Variants in FOXRED2 observed in about 807,000 individuals in gnomAD.
FOXRED2 encodes FAD dependent oxidoreductase domain containing 2.
Under a neutral mutation model 52.5 loss-of-function variants are expected in FOXRED2, and 32 were observed. The ratio of observed to expected loss-of-function variants is 0.61; its 90% confidence interval spans 0.46 to 0.82. The LOEUF (loss-of-function observed/expected upper bound fraction) is 0.82. Ranked by LOEUF, FOXRED2 falls within the 40% of genes least tolerant of loss-of-function variation. The pLI is 0.00. For missense variants in FOXRED2, 848 were observed against 937.5 expected (o/e 0.90, Z 1.25); for synonymous variants, 405 against 398.1 (o/e 1.02, Z -0.21).
intron 5 of FOXRED2, among the ~76,000 whole-genome samples, chr22:36,499,903 G>A (rs556384292): frequency 1.4e-3 from 219 of 152,288 alleles, no homozygotes; most frequent in Admixed American, 3.9e-3. Context: ...CAAGGTTCAA[G>A]TGATTCTCTT....
In FOXRED2 at chr22:36,489,883, C is replaced by A; in HGVS notation, c.*125G>T. ...CTGGTGGCTTTGCTGCAGACACTGCCATGATCTGAGTGGTCTTTGGCAATC... is the reference window on the plus strand; with the variant it reads ...CTGGTGGCTTTGCTGCAGACACTGCAATGATCTGAGTGGTCTTTGGCAATC... On this transcript the variant is annotated 3_prime_UTR_variant, in exon 9 of 9. Transcript: ENST00000397224. 9.6e-7 allele frequency: 1 copy of A among 1,041,174 alleles called. No individual in the cohort carries two copies. The highest frequency in any genetic ancestry group is 2.8e-5 in the East Asian group (1 of 36,048). 64.5% of individuals were successfully genotyped at this position (1,041,174 alleles called of 1,614,324 possible).
chr22:36,505,011 G>GCTCACA (rs1934156440), intron 2 of FOXRED2, among the ~76,000 whole-genome samples: 1 of 152,156 alleles, frequency 6.6e-6, no homozygotes, highest in Non-Finnish European at 1.5e-5. Context: ...ACTGTACTGG[G>GCTCACA]GGTTAAATTT....
At chr22:36,499,618 G>T (rs55939249) in intron 5 of FOXRED2, among the ~76,000 whole-genome samples, 1 of 152,034 alleles carries the variant, frequency 6.6e-6, no homozygotes, top group Non-Finnish European at 1.5e-5. Flanking sequence ...AGGAAGAGAC[G>T]CTGTCTCAAA....
In FOXRED2 at chr22:36,488,214, T is replaced by G. The variant is rs1933655324; in HGVS notation, c.*1794A>C. ...TTGGAATTCTTTTTCTCTTTTCACT[T>G]TTGTTGTAGCATACTTTGTTCTTTT... On this transcript the variant is annotated 3_prime_UTR_variant, in exon 9 of 9. Transcript: ENST00000397224. 1 of 152,122 alleles carries G rather than the reference T, an allele frequency of 6.6e-6. No homozygotes were observed. Among genetic ancestry groups the G allele is most frequent in the Non-Finnish European group, 1.5e-5 (1 of 68,034 alleles). 9.4% of individuals were successfully genotyped at this position (152,122 alleles called of 1,614,324 possible).
At chr22:36,506,634 C>T (rs13054290) in intron 1 of FOXRED2, 3 of 480,170 alleles carry the variant, frequency 6.2e-6, no homozygotes, top group African/African-American at 4.1e-5. Flanking sequence ...CATCTTATCT[C>T]CCTCAGGGTC....
Position 36,490,062 on chromosome 22 carries a change from G to A in FOXRED2, c.2001C>T (p.Pro667=). Residue 667 remains proline, a synonymous_variant, in exon 9 of 9, where the codon CCC becomes CCT. Transcript: ENST00000397224. ...ACTGAGCCAGAGGCCCTGGAGCCAG[G>A]GGGGAACCTAGTGGCTCTTGGTCGC... ...QLGDQEPLGS[P]LAPGPLAQSV... is the part of the protein sequence containing the mutation. 1 of 1,612,632 alleles carries A rather than the reference G, an allele frequency of 6.2e-7. No homozygotes were observed. Among genetic ancestry groups the A allele is most frequent in the Non-Finnish European group, 8.5e-7 (1 of 1,178,932 alleles).
chr22:36,497,607 C>A (rs192342439), intron 6 of FOXRED2, among the ~76,000 whole-genome samples: 1 of 152,182 alleles, frequency 6.6e-6, no homozygotes, highest in East Asian at 1.9e-4. Context: ...TTGACTCTGA[C>A]GATGGTGGCC....
chr22:36,491,688 A>G (rs904065949), intron 8 of FOXRED2, among the ~76,000 whole-genome samples: 1 of 152,150 alleles, frequency 6.6e-6, no homozygotes, highest in Admixed American at 6.6e-5. Flanking sequence ...TACAGGCGTG[A>G]TCCAGCATCC....
At chr22:36,504,426 G>C (rs1444866174) in intron 3 of FOXRED2, 59 bp from the exon 4 acceptor site, 1 of 1,608,738 alleles carries the variant, frequency 6.2e-7, no homozygotes, top group Non-Finnish European at 8.5e-7. Context: ...CAGTGCAGCT[G>C]GGGTCAGGAA....
rs1325780692 is a variant in FOXRED2, at chr22:36,504,343, A to G, written c.804T>C (p.Asp268=). 3.1e-6 allele frequency: 5 copies of G among 1,613,940 alleles called. No homozygotes were observed. The highest frequency in any genetic ancestry group is 4.2e-6 in the Non-Finnish European group (5 of 1,180,030). Residue 268 remains aspartate, a synonymous_variant, in exon 4 of 9, where the codon GAT becomes GAC. Transcript: ENST00000397224. ...CGTCCAGGGACTTGAGCTGGTAGGT[A>G]TCCAGCAGGCCATTGTTGATGGCTC... ...DLRAINNGLL[D]TYQLKSLDGL... is the part of the protein sequence containing the mutation.
At position 36,504,203 on chromosome 22, in the gene FOXRED2, G is replaced by A; in HGVS notation, c.944C>T (p.Ser315Phe). 1 of 1,614,244 alleles carries A rather than the reference G, an allele frequency of 6.2e-7. No individual in the cohort carries two copies. Among genetic ancestry groups the A allele is most frequent in the Non-Finnish European group, 8.5e-7 (1 of 1,180,046 alleles). Reference sequence around the variant, plus strand: ...ATTGTCGTCCTGGGGGAGGGTGATGGAGTCGGCACTCTGGTTGGTGTTGGC... The same window carrying A: ...ATTGTCGTCCTGGGGGAGGGTGATGAAGTCGGCACTCTGGTTGGTGTTGGC... ...EEANTNQSAD[S>F]ITLPQDDNDN... The change falls in exon 4 of 9, where the codon TCC (serine) becomes TTC (phenylalanine). Residue 315 changes from serine to phenylalanine, a missense_variant. Coordinates refer to ENST00000397224, the MANE Select transcript of FOXRED2 (RefSeq NM_001102371.2).
chr22:36,502,667 CT>C (rs1346256711), intron 4 of FOXRED2, among the ~76,000 whole-genome samples: 1 of 151,732 alleles, frequency 6.6e-6, no homozygotes, highest in South Asian at 2.1e-4. Context: ...TCTTTCTCCC[CT>C]CTCTCTCCTT....
At position 36,506,192 on chromosome 22, in the gene FOXRED2, C is replaced by T. The variant is rs1348181259; in HGVS notation, c.231G>A (p.Lys77=). 2.5e-6 allele frequency: 4 copies of T among 1,614,208 alleles called. No homozygotes were observed. Among genetic ancestry groups the T allele is most frequent in the Non-Finnish European group, 8.5e-7 (1 of 1,180,024 alleles). Residue 77 remains lysine (K), a synonymous_variant, in exon 2 of 9, where the codon AAG becomes AAA. Transcript: ENST00000397224. The part of the protein sequence containing the change: ...SFFTRYPRHR[K]LISINKRYTG... The stretch of plus-strand genomic sequence containing the variant: ...TGTACCGCTTGTTGATGCTGATGAG[C>T]TTGCGGTGCCGCGGGTAGCGTGTGA...
chr22:36,502,357 C>T (rs1015416917), intron 4 of FOXRED2, among the ~76,000 whole-genome samples: 2 of 152,126 alleles, frequency 1.3e-5, no homozygotes, highest in Admixed American at 1.3e-4. Flanking sequence ...CCAAACCTCC[C>T]GAGGTAGTCG....
chr22:36,506,070 T>TCGCGG lies in FOXRED2; in HGVS notation c.352_353insCCGCG (p.Tyr118SerfsTer50). On this transcript the variant is annotated frameshift_variant, in exon 2 of 9. Transcript: ENST00000397224. LOFTEE classifies it high-confidence loss of function. ...CACCATGTCGCGGGCGTCGGGGAAG[T>TCGCGG]AGGCACGCGAGTAGTGTCTGAAGAG... 1 of 1,614,194 alleles carries TCGCGG rather than the reference T, an allele frequency of 6.2e-7. No homozygotes were observed.
chr22:36,498,755 G>C (rs2145849979), intron 5 of FOXRED2, among the ~76,000 whole-genome samples: 1 of 152,134 alleles, frequency 6.6e-6, no homozygotes. Context: ...CTGTTGCCCA[G>C]GCTGGAGTGC....
chr22:36,504,552 G>T lies in FOXRED2; in HGVS notation c.742C>A (p.Arg248Ser). Reference protein sequence around the residue: ...FIHMLSRSRVRLSWATHYVGD... With the variant: ...FIHMLSRSRVSLSWATHYVGD... Reference sequence around the variant, plus strand: ...ACGTAGTGGGTGGCCCAGGACAGACGGACCCGGGAGCGGCTGAGCATATGG... The same window carrying T: ...ACGTAGTGGGTGGCCCAGGACAGACTGACCCGGGAGCGGCTGAGCATATGG... Residue 248 changes from arginine (R) to serine (S), a missense_variant, in exon 3 of 9, where the codon CGT (arginine) becomes AGT (serine). By Grantham distance (110) the Arg-to-Ser change is moderately radical. Coordinates refer to ENST00000397224, the MANE Select transcript of FOXRED2 (RefSeq NM_001102371.2). The T allele has an allele frequency of 6.2e-7, 1 of 1,614,164 alleles. No homozygotes were observed. The highest frequency in any genetic ancestry group is 8.5e-7 in the Non-Finnish European group (1 of 1,180,034).
chr22:36,492,357 C>A (rs752533608), intron 8 of FOXRED2, among the ~76,000 whole-genome samples: 1 of 152,300 alleles, frequency 6.6e-6, no homozygotes, highest in African/African-American at 2.4e-5. Context: ...GCCTGCTGGG[C>A]GGATTCTCTC....
chr22:36,506,772 T>C (rs1039874120), intron 1 of FOXRED2: 2 of 225,220 alleles, frequency 8.9e-6, no homozygotes, highest in African/African-American at 4.6e-5. Flanking sequence ...ACCCTCCAGG[T>C]TGGACCTTCC....
Sources: gnomAD v4.1 joint callset for allele counts (sites outside exome capture counted in the v4.1 genomes callset) on GRCh38, gnomAD v4.1.1 for gene constraint, MANE v1.5 for transcripts, NCBI Gene and HGNC (gene_info 2026-07-23, HGNC 2026-07-21) for gene names.